The following ANO3 variants were observed in gnomAD, a reference collection of about 807,000 sequenced individuals.
ANO3 encodes anoctamin 3, also known as anoctamin-3.
A neutral mutation model predicts 144.8 loss-of-function variants in ANO3; 99 were observed. That is an observed-to-expected ratio of 0.68 (90% confidence interval 0.58 to 0.81). The LOEUF (loss-of-function observed/expected upper bound fraction) is 0.81, where lower values mean the gene tolerates loss of function less well. ANO3 is among the 30% of genes least tolerant of loss of function. The pLI is 0.00. For missense variants in ANO3, 905 were observed against 1,202.2 expected (o/e 0.75, Z 3.66); for synonymous variants, 414 against 392.6 (o/e 1.05, Z -0.64).
intron 5 of ANO3, among the ~76,000 whole-genome samples, chr11:26,510,898 T>G (rs1861639260): frequency 6.6e-6 from 1 of 152,194 alleles, no homozygotes; most frequent in African/African-American, 2.4e-5. Flanking sequence ...GGAAGTCTAT[T>G]TATTCTAGAG....
intron 1 of ANO3, among the ~76,000 whole-genome samples, chr11:26,419,518 AT>A (rs1857690844): frequency 2.0e-5 from 3 of 148,482 alleles, no homozygotes; most frequent in South Asian, 2.1e-4. Flanking sequence ...AATTAATAGG[AT>A]TTTTTTCAGT....
chr11:26,482,880 G>A (rs945350908), intron 4 of ANO3, among the ~76,000 whole-genome samples: 2 of 152,112 alleles, frequency 1.3e-5, no homozygotes, highest in African/African-American at 4.8e-5. Context: ...TTTCCCTTAA[G>A]AGAATGGCCT....
rs1158011725 is a variant in ANO3, at chr11:26,230,746, G to A, written c.154+41416G>A. On this transcript the variant is annotated intron_variant, in intron 1 of 27. Coordinates refer to the ANO3 transcript ENST00000672621. ...CAGAAGACAGAGGTTGCAGTGAGCC[G>A]AGATCCCACTACTGCACTCCAGCCT... 3.4e-4 allele frequency among the ~76,000 whole-genome samples: 41 copies of A among 120,586 alleles called. No homozygotes were observed. The Admixed American group carries it at 4.0e-3, about 12-fold the overall frequency. 79.1% of individuals were successfully genotyped at this position (120,586 alleles called of 152,430 possible).
chr11:26,303,157 A>G (rs938815597), intron 1 of ANO3, among the ~76,000 whole-genome samples: 11 of 152,242 alleles, frequency 7.2e-5, no homozygotes, highest in African/African-American at 2.7e-4. Flanking sequence ...AACTGAAAAC[A>G]GAACCACCAT....
At chr11:26,532,244 T>C (rs1440622859) in intron 8 of ANO3, among the ~76,000 whole-genome samples, 2 of 152,180 alleles carry the variant, frequency 1.3e-5, no homozygotes. Flanking sequence ...AGAAGCATGC[T>C]TTCTAATTCC....
chr11:26,645,965 G>C (rs1451946674), intron 23 of ANO3, among the ~76,000 whole-genome samples: 1 of 152,072 alleles, frequency 6.6e-6, no homozygotes, highest in African/African-American at 2.4e-5. Flanking sequence ...CCCATAGATA[G>C]GTAAGTGTTT....
At chr11:26,453,716 T>C (rs1447834634) in intron 3 of ANO3, among the ~76,000 whole-genome samples, 1 of 152,084 alleles carries the variant, frequency 6.6e-6, no homozygotes, top group Non-Finnish European at 1.5e-5. Flanking sequence ...AACTCACCTC[T>C]GCACCAAGCA....
intron 8 of ANO3, among the ~76,000 whole-genome samples, chr11:26,534,005 T>A (rs1003696504): frequency 1.3e-5 from 2 of 152,154 alleles, no homozygotes; most frequent in African/African-American, 4.8e-5. Context: ...CTCAAATGGT[T>A]CTTCATTGCT....
intron 1 of ANO3, among the ~76,000 whole-genome samples, chr11:26,299,963 G>A (rs532044449): frequency 6.6e-6 from 1 of 152,204 alleles, no homozygotes; most frequent in East Asian, 1.9e-4. Context: ...GGGAGGAGGT[G>A]TTGGAAGACA....
At chr11:26,594,244 A>G (rs978019921) in intron 14 of ANO3, among the ~76,000 whole-genome samples, 6 of 152,252 alleles carry the variant, frequency 3.9e-5, no homozygotes, top group South Asian at 4.1e-4. Context: ...TTGCGTCCCA[A>G]TGAGGGTCTA....
chr11:26,263,359 C>T (rs1853236631), intron 1 of ANO3, among the ~76,000 whole-genome samples: 1 of 152,192 alleles, frequency 6.6e-6, no homozygotes, highest in African/African-American at 2.4e-5. Context: ...TCTGTAGGGG[C>T]TGCATCTTTC....
At chr11:26,589,736 T>C (rs1206451392) in intron 14 of ANO3, among the ~76,000 whole-genome samples, 1 of 152,212 alleles carries the variant, frequency 6.6e-6, no homozygotes, top group Non-Finnish European at 1.5e-5. Context: ...TACATGATCC[T>C]TCCTGTCCGG....
chr11:26,291,961 G>C (rs1853968745), intron 1 of ANO3, among the ~76,000 whole-genome samples: 1 of 152,108 alleles, frequency 6.6e-6, no homozygotes, highest in African/African-American at 2.4e-5. Flanking sequence ...GACCTGCCTT[G>C]CTAGGTTGGG....
intron 1 of ANO3, among the ~76,000 whole-genome samples, chr11:26,359,876 AGTGTGTGTGT>A (rs142194688): frequency 4.7e-5 from 7 of 149,384 alleles, no homozygotes; most frequent in African/African-American, 1.2e-4. Flanking sequence ...ATGTCAGACT[AGTGTGTGTGT>A]GTGTGTGTGT....
intron 4 of ANO3, among the ~76,000 whole-genome samples, chr11:26,470,294 C>G (rs1055123316): frequency 6.6e-6 from 1 of 151,570 alleles, no homozygotes; most frequent in African/African-American, 2.4e-5. Context: ...TACCTGTAGT[C>G]CCAACTACTC....
At chr11:26,228,217 C>A (rs1172232827) in intron 1 of ANO3, among the ~76,000 whole-genome samples, 1 of 152,190 alleles carries the variant, frequency 6.6e-6, no homozygotes, top group African/African-American at 2.4e-5. Context: ...AAATGTACTG[C>A]TCTGTTTTTA....
intron 1 of ANO3, among the ~76,000 whole-genome samples, chr11:26,359,012 A>T (rs1215341674): frequency 6.6e-6 from 1 of 152,064 alleles, no homozygotes; most frequent in African/African-American, 2.4e-5. Context: ...TAATGTCTTT[A>T]TGTGTTCATG....
intron 7 of ANO3, among the ~76,000 whole-genome samples, chr11:26,527,098 G>A (rs1849182821): frequency 6.6e-6 from 1 of 151,948 alleles, no homozygotes; most frequent in African/African-American, 2.4e-5. Flanking sequence ...TTGGAGACTT[G>A]GGAAAGTATA....
At chr11:26,429,013 G>A (rs573375439) in intron 1 of ANO3, among the ~76,000 whole-genome samples, 31 of 152,276 alleles carry the variant, frequency 2.0e-4, no homozygotes, top group Admixed American at 1.6e-3. Flanking sequence ...TGCTAGAAGG[G>A]CACAGCCGTG....
Sources: gnomAD v4.1 joint callset for allele counts (sites outside exome capture counted in the v4.1 genomes callset) on GRCh38, gnomAD v4.1.1 for gene constraint, MANE v1.5 for transcripts, NCBI Gene and HGNC (gene_info 2026-07-23, HGNC 2026-07-21) for gene names.